Variants in CDIN1 observed in about 807,000 individuals in gnomAD.
The protein encoded by CDIN1 is CDAN1 interacting nuclease 1.
Under a neutral mutation model 45.3 loss-of-function variants are expected in CDIN1, and 33 were observed. The ratio of observed to expected loss-of-function variants is 0.73; its 90% CI spans 0.55 to 0.97. The LOEUF is 0.97. CDIN1 is among the 50% of genes least tolerant of loss of function. The pLI, the probability that CDIN1 is intolerant of heterozygous loss-of-function variation, is 0.00. For synonymous variants in CDIN1, 118 were observed against 124.4 expected, an observed-to-expected ratio of 0.95 and a Z score of 0.34; for missense variants, 303 against 339.4, an observed-to-expected ratio of 0.89 and a Z score of 0.84.
At chr15:36,770,945 C>G (rs1187587942) in intron 10 of CDIN1, among the ~76,000 whole-genome samples, 3 of 152,086 alleles carry the variant, frequency 2.0e-5, no homozygotes, top group African/African-American at 7.2e-5. Context: ...AACCTAGTGC[C>G]AGTCCTTATT....
At chr15:36,688,721 C>T (rs1273659351) in intron 5 of CDIN1, among the ~76,000 whole-genome samples, 2 of 152,148 alleles carry the variant, frequency 1.3e-5, no homozygotes, top group East Asian at 3.9e-4. Context: ...TTAGCTCTGG[C>T]CATGACAAGG....
intron 10 of CDIN1, among the ~76,000 whole-genome samples, chr15:36,766,442 A>G (rs2053926750): frequency 6.6e-6 from 1 of 151,316 alleles, no homozygotes; most frequent in South Asian, 2.1e-4. Flanking sequence ...TTGCTGGATC[A>G]TAAAGTAGTT....
chr15:36,788,553 GGTTT>G (rs750945858), intron 10 of CDIN1, among the ~76,000 whole-genome samples: 28 of 152,002 alleles, frequency 1.8e-4, no homozygotes, highest in Non-Finnish European at 2.6e-4. Flanking sequence ...ATATTTTAAA[GGTTT>G]GTCTATGAAT....
At position 36,654,513 on chromosome 15, in the gene CDIN1, C is replaced by CAAA. The variant is rs35679788; in HGVS notation, c.273+372_273+374dup. On this transcript the variant is annotated intron_variant, in intron 4 of 10. Coordinates refer to ENST00000566621, the MANE Select transcript of CDIN1 (RefSeq NM_001321759.2). ...CTGTGTCAAGTAAAGAGATGGATGC[C>CAAA]AAAAAAAAAAAAAAAAAAACTGCTG... Among the ~76,000 whole-genome samples, 398 of 95,146 alleles carry CAAA rather than the reference C, an allele frequency of 4.2e-3. 7 individuals are homozygous for CAAA. Among genetic ancestry groups the CAAA allele is most frequent in the African/African-American group, 0.011 (262 of 24,118 alleles). The allele number at this position is 95,146 out of a possible 152,430, so 62.4% of individuals were successfully genotyped here.
At chr15:36,803,843 T>G (rs1457192480) in intron 10 of CDIN1, among the ~76,000 whole-genome samples, 1 of 152,216 alleles carries the variant, frequency 6.6e-6, no homozygotes, top group Non-Finnish European at 1.5e-5. Context: ...TTGGTTGACT[T>G]TCAAACTGGA....
intron 1 of CDIN1, among the ~76,000 whole-genome samples, chr15:36,634,529 A>G (rs1367157029): frequency 6.6e-6 from 1 of 152,152 alleles, no homozygotes. Context: ...CCATTCTCTC[A>G]TTGGATAGTA....
At chr15:36,636,933 T>C (rs1005073197) in intron 1 of CDIN1, among the ~76,000 whole-genome samples, 3 of 152,176 alleles carry the variant, frequency 2.0e-5, no homozygotes, top group Non-Finnish European at 4.4e-5. Context: ...ATTGAATCAA[T>C]TGAAAAGTAC....
chr15:36,774,133 GGTGT>G (rs761451923), intron 10 of CDIN1, among the ~76,000 whole-genome samples: 10 of 138,838 alleles, frequency 7.2e-5, no homozygotes, highest in African/African-American at 1.9e-4. Context: ...AACTGACAGG[GGTGT>G]GTGTGTGTGT....
chr15:36,764,263 G>A (rs2053853830), intron 10 of CDIN1, among the ~76,000 whole-genome samples: 1 of 135,914 alleles, frequency 7.4e-6, no homozygotes, highest in Non-Finnish European at 1.5e-5. Flanking sequence ...TGTTATAAAT[G>A]CATAATCCTG....
intron 8 of CDIN1, chr15:36,707,801 G>A (rs1203845219): frequency 6.6e-6 from 1 of 152,174 alleles, no homozygotes; most frequent in African/African-American, 2.4e-5. Flanking sequence ...TGTGGTCAGA[G>A]TATAGTTACA....
At chr15:36,607,766 A>G (rs1241031904) in intron 1 of CDIN1, among the ~76,000 whole-genome samples, 1 of 152,222 alleles carries the variant, frequency 6.6e-6, no homozygotes, top group East Asian at 1.9e-4. Context: ...AGTGACTTTT[A>G]GTATATTCAC....
chr15:36,658,790 T>C (rs1595434110), intron 5 of CDIN1, among the ~76,000 whole-genome samples: 2 of 152,322 alleles, frequency 1.3e-5, no homozygotes, highest in Non-Finnish European at 2.9e-5. Context: ...GATTTTTATT[T>C]TTTTATATTT....
At chr15:36,766,890 A>C (rs931216269) in intron 10 of CDIN1, among the ~76,000 whole-genome samples, 2 of 151,726 alleles carry the variant, frequency 1.3e-5, no homozygotes, top group Non-Finnish European at 2.9e-5. Flanking sequence ...CATTCTGTTG[A>C]TGGGTTTTGT....
intron 7 of CDIN1, among the ~76,000 whole-genome samples, chr15:36,693,895 T>TCA (rs2042333515): frequency 6.6e-6 from 1 of 152,164 alleles, no homozygotes; most frequent in Admixed American, 6.5e-5. Flanking sequence ...TTGCCACCAT[T>TCA]CACTTTCCTT....
chr15:36,601,491 C>T (rs1466776714), intron 1 of CDIN1, among the ~76,000 whole-genome samples: 1 of 152,126 alleles, frequency 6.6e-6, no homozygotes, highest in Non-Finnish European at 1.5e-5. Context: ...GATCTGTCAC[C>T]TATTATTAAA....
At chr15:36,698,496 G>A (rs1204130146) in intron 8 of CDIN1, among the ~76,000 whole-genome samples, 1 of 152,184 alleles carries the variant, frequency 6.6e-6, no homozygotes, top group African/African-American at 2.4e-5. Context: ...TGGAAAGATG[G>A]TAAGTTGGAA....
In CDIN1 at chr15:36,723,407, A is replaced by G. The variant is rs1046199240; in HGVS notation, c.716+13446A>G. Among the ~76,000 whole-genome samples the G allele has an allele frequency of 2.0e-5, 3 of 152,140 alleles. No individual in the cohort carries two copies. In the East Asian group the frequency reaches 5.8e-4, roughly 29 times the overall value. On this transcript the variant is annotated intron_variant, in intron 10 of 10. Transcript: ENST00000566621. ...CTGCAGTATTTTAAGAGTACTCCAT[A>G]TTGATTAAGAAGGTATTAAAAGTGA...
At chr15:36,587,628 C>G (rs903444858) in intron 1 of CDIN1, among the ~76,000 whole-genome samples, 1 of 152,104 alleles carries the variant, frequency 6.6e-6, no homozygotes, top group African/African-American at 2.4e-5. Flanking sequence ...CTTTTTTGAA[C>G]AATCCCTCCC....
intron 1 of CDIN1, among the ~76,000 whole-genome samples, chr15:36,589,783 C>T (rs2037487918): frequency 6.6e-6 from 1 of 152,178 alleles, no homozygotes; most frequent in African/African-American, 2.4e-5. Flanking sequence ...GGATTACAGG[C>T]GTGAGCCACC....
Sources: allele counts gnomAD v4.1 joint callset (sites outside exome capture counted in the v4.1 genomes callset), GRCh38; gene constraint gnomAD v4.1.1; transcripts MANE v1.5; gene names NCBI Gene and HGNC (gene_info 2026-07-23, HGNC 2026-07-21).